The following ENTPD8 variants were observed in gnomAD, a reference collection of about 807,000 sequenced individuals.
The protein encoded by ENTPD8 is ectonucleoside triphosphate diphosphohydrolase 8.
A neutral mutation model predicts 47.0 loss-of-function variants in ENTPD8; 35 were observed. The observed-to-expected ratio is 0.75, with a 90% CI of 0.57 to 0.99. The LOEUF is 0.99. ENTPD8 is among the 50% of genes least tolerant of loss of function. ENTPD8 has a pLI of 0.00. For synonymous variants in ENTPD8, 308 were observed against 290.5 expected (o/e 1.06, Z -0.61); for missense variants, 668 against 649.9 (o/e 1.03, Z -0.30).
chr9:137,435,921 C>A (rs1839336809), intron 7 of ENTPD8, 92 bp from the exon 8 acceptor site: 1 of 1,603,018 alleles, frequency 6.2e-7, no homozygotes, highest in Non-Finnish European at 8.5e-7. Flanking sequence ...AAGAGCCAGC[C>A]TGGGCCCCTC....
Position 137,434,522 on chromosome 9 carries a change from G to C in ENTPD8, c.*392C>G. The C allele has an allele frequency of 1.2e-6, 1 of 831,006 alleles. No homozygotes were observed. Among genetic ancestry groups the C allele is most frequent in the Non-Finnish European group, 1.8e-6 (1 of 541,694 alleles). 51.5% of individuals were successfully genotyped at this position (831,006 alleles called of 1,614,324 possible). On this transcript the variant is annotated 3_prime_UTR_variant, in exon 10 of 10. Transcript: ENST00000371506. ...GGAGAGCGGGGGTCCAGGTGGGGCA[G>C]CTCCCTCCCTTCCACCCCTCTCCGC...
Position 137,436,133 on chromosome 9 carries a change from T to C in ENTPD8, c.930A>G (p.Thr310=), listed in dbSNP as rs375954417. Residue 310 remains threonine, a synonymous_variant, in exon 7 of 10, where the codon ACA becomes ACG. Coordinates refer to ENST00000371506, the MANE Select transcript of ENTPD8 (RefSeq NM_001033113.2). ...SLPQNLTVEG[T]GNPGACVSAI... The stretch of plus-strand genomic sequence containing the variant: ...CTGAGACGCAGGCTCCAGGGTTGCC[T>C]GTCCCTTCAACTGTGAGGTTCTGGG... The C allele has an allele frequency of 2.9e-5, 46 of 1,612,990 alleles. No homozygotes were observed. In the African/African-American group the frequency reaches 5.6e-4, roughly 20 times the overall value.
chr9:137,435,045 G>C lies in ENTPD8; in HGVS notation c.1357C>G (p.Pro453Ala), dbSNP rs897909259. 1 of 1,612,518 alleles carries C rather than the reference G, an allele frequency of 6.2e-7. No individual in the cohort carries two copies. The highest frequency in any genetic ancestry group is 8.5e-7 in the Non-Finnish European group (1 of 1,179,868). ...CGCCACTGAGCCGGCGCATCGGCCG[G>C]GATCATCCCGGTCAGGTTCAGCATG... is the stretch of plus-strand genomic sequence containing the variant. ...GYMLNLTGMIPADAPAQWRAE... is the reference protein window; with the variant it reads ...GYMLNLTGMIAADAPAQWRAE... The change falls in exon 10 of 10, where the codon CCG becomes GCG. Residue 453 changes from proline to alanine, a missense_variant. Pro to Ala is a conservative substitution (Grantham distance 27, BLOSUM62 -1). Transcript: ENST00000371506.
At position 137,438,923 on chromosome 9, in the gene ENTPD8, C is replaced by A. The variant is rs1436659682; in HGVS notation, c.-20-618G>T. Among the ~76,000 whole-genome samples, 2 of 152,112 alleles carry A rather than the reference C, an allele frequency of 1.3e-5. No individual in the cohort carries two copies. The highest frequency in any genetic ancestry group is 2.9e-5 in the Non-Finnish European group (2 of 67,996). Reference sequence around the variant, plus strand: ...TCCTGCCTCTCCCGTGCCACCCTCCCCAGGAGCAGCCACAGCTCCAGCCTG... The same window carrying A: ...TCCTGCCTCTCCCGTGCCACCCTCCACAGGAGCAGCCACAGCTCCAGCCTG... On this transcript the variant is annotated intron_variant, in intron 1 of 9. Transcript: ENST00000371506. The surrounding 1 kb of genome is among the most constrained non-coding windows in gnomAD (Gnocchi z 5.7).
At chr9:137,436,425 C>G in intron 6 of ENTPD8, 96 bp downstream of exon 6, 1 of 1,362,240 alleles carries the variant, frequency 7.3e-7, no homozygotes, top group Non-Finnish European at 1.0e-6. Context: ...GCGCCCATAC[C>G]CTGTGCCCCC....
chr9:137,434,889 G>C lies in ENTPD8; in HGVS notation c.*25C>G. The C allele has an allele frequency of 6.3e-7, 1 of 1,585,342 alleles. No individual in the cohort carries two copies. The highest frequency in any genetic ancestry group is 1.2e-5 in the South Asian group (1 of 86,848). On this transcript the variant is annotated 3_prime_UTR_variant, in exon 10 of 10. Transcript: ENST00000371506. ...CGGGACGCAGCTGCCTGTGGGCTCT[G>C]TGGGGGCCCACCTCCGCCTTCCCAC...
Position 137,436,583 on chromosome 9 carries a change from G to A in ENTPD8, c.724C>T (p.His242Tyr), listed in dbSNP as rs1275871663. 7 of 1,611,938 alleles carry A rather than the reference G, an allele frequency of 4.3e-6. No homozygotes were observed. Among genetic ancestry groups the A allele is most frequent in the Non-Finnish European group, 5.9e-6 (7 of 1,179,750 alleles). The change falls in exon 6 of 10, where the codon CAC becomes TAC. Residue 242 changes from histidine to tyrosine, a missense_variant. Physicochemically the swap from His to Tyr is moderately conservative, Grantham distance 83. Transcript: ENST00000371506. Reference protein sequence around the residue: ...LYGSDYSVYTHSYLCFGRDQM... With the variant: ...LYGSDYSVYTYSYLCFGRDQM... ...TCCCGTCCAAAGCACAGGTAGCTGT[G>A]AGTGTAGACGCTGTAGTCGGAGCCG...
intron 1 of ENTPD8, among the ~76,000 whole-genome samples, chr9:137,439,626 G>C (rs1368634199): frequency 6.6e-6 from 1 of 152,058 alleles, no homozygotes; most frequent in African/African-American, 2.4e-5. Context: ...GAGGACAGGA[G>C]GCCGGTCCAG....
At position 137,438,312 on chromosome 9, in the gene ENTPD8, G is replaced by C; in HGVS notation, c.-20-7C>G. On this transcript the variant is annotated splice_region_variant and splice_polypyrimidine_tract_variant and intron_variant, in intron 1 of 9. Coordinates refer to ENST00000371506, the MANE Select transcript of ENTPD8 (RefSeq NM_001033113.2). This position sits in a 1 kb window ranked among gnomAD's most constrained non-coding sequence, Gnocchi z 5.7. Reference sequence around the variant, plus strand: ...GTGCAGGTGGTACTGGTTCCTGTGGGGGGACGGCCGTGGGCACCCAGGCTG... The same window carrying C: ...GTGCAGGTGGTACTGGTTCCTGTGGCGGGACGGCCGTGGGCACCCAGGCTG... 6.6e-7 allele frequency: 1 copy of C among 1,523,298 alleles called. No individual in the cohort carries two copies. The highest frequency in any genetic ancestry group is 8.8e-7 in the Non-Finnish European group (1 of 1,132,800). 94.4% of individuals were successfully genotyped at this position (1,523,298 alleles called of 1,614,324 possible).
chr9:137,435,964 GC>G, intron 7 of ENTPD8, 48 bp downstream of exon 7: 1 of 1,606,074 alleles, frequency 6.2e-7, no homozygotes, highest in African/African-American at 1.3e-5. Context: ...GGCACCTGAG[GC>G]CTCACAAGGA....
rs1839312282 is a variant in ENTPD8, at chr9:137,435,333, C to A, written c.1167G>T (p.Glu389Asp). 6.2e-7 allele frequency: 1 copy of A among 1,609,764 alleles called. No homozygotes were observed. The highest frequency in any genetic ancestry group is 1.7e-5 in the Admixed American group (1 of 59,746). The change falls in exon 9 of 10, where the codon GAG (glutamate) becomes GAT (aspartate). Residue 389 changes from glutamate (E) to aspartate (D), a missense_variant. By Grantham distance (45) the Glu-to-Asp change is conservative. Coordinates refer to ENST00000371506, the MANE Select transcript of ENTPD8 (RefSeq NM_001033113.2). ...EFCQRPWKLV[E>D]ASYPGQDRWL... ...AGCGGTCCTGCCCAGGGTAGCTGGCCTCCACCTGGGGCCCAGGAGACCAAG... is the reference window on the plus strand; with the variant it reads ...AGCGGTCCTGCCCAGGGTAGCTGGCATCCACCTGGGGCCCAGGAGACCAAG...
At position 137,436,144 on chromosome 9, in the gene ENTPD8, C is replaced by A; in HGVS notation, c.919G>T (p.Val307Phe). 1.2e-6 allele frequency: 2 copies of A among 1,613,012 alleles called. No individual in the cohort carries two copies. The highest frequency in any genetic ancestry group is 1.7e-6 in the Non-Finnish European group (2 of 1,179,980). The change falls in exon 7 of 10, where the codon GTT becomes TTT. Residue 307 changes from valine to phenylalanine, a missense_variant. Coordinates refer to ENST00000371506, the MANE Select transcript of ENTPD8 (RefSeq NM_001033113.2). ...GCTCCAGGGTTGCCTGTCCCTTCAA[C>A]TGTGAGGTTCTGGGGGAGGCTCAGC... is the stretch of plus-strand genomic sequence containing the variant. ...PPLSLPQNLT[V>F]EGTGNPGACV...
In ENTPD8 at chr9:137,438,356, C is replaced by T. The variant is rs1048282669; in HGVS notation, c.-20-51G>A. The T allele has an allele frequency of 7.3e-5, 106 of 1,451,876 alleles. No individual in the cohort carries two copies. Among genetic ancestry groups the T allele is most frequent in the African/African-American group, 1.4e-4 (10 of 71,024 alleles). 89.9% of individuals were successfully genotyped at this position (1,451,876 alleles called of 1,614,324 possible). A position where few individuals can be genotyped will look rare whatever the true frequency, so the allele number is the denominator to read the frequency against. On this transcript the variant is annotated intron_variant, in intron 1 of 9. Coordinates refer to ENST00000371506, the MANE Select transcript of ENTPD8 (RefSeq NM_001033113.2). The surrounding 1 kb of genome is among the most constrained non-coding windows in gnomAD (Gnocchi z 5.7). ...CAGGCTGCACTTGGTGTCCCCATCCCGCCCTCCAGAGGCAGAGGCTTCGCT... is the reference window on the plus strand; with the variant it reads ...CAGGCTGCACTTGGTGTCCCCATCCTGCCCTCCAGAGGCAGAGGCTTCGCT...
At position 137,434,953 on chromosome 9, in the gene ENTPD8, C is replaced by T; in HGVS notation, c.1449G>A (p.Val483=). The change falls in exon 10 of 10, where the codon GTG becomes GTA. Residue 483 remains valine, a synonymous_variant. Coordinates refer to ENST00000371506, the MANE Select transcript of ENTPD8 (RefSeq NM_001033113.2). ...VFMVLALVAV[V]GAALVQLFWL... ...AGAAGAGCTGGACCAAGGCAGCCCC[C>T]ACCACCGCCACCAGGGCCAGCACCA... is the stretch of plus-strand genomic sequence containing the variant. 6.2e-7 allele frequency: 1 copy of T among 1,612,642 alleles called. No homozygotes were observed.
At position 137,435,304 on chromosome 9, in the gene ENTPD8, A is replaced by G. The variant is rs1012580613; in HGVS notation, c.1196T>C (p.Leu399Pro). Reference protein sequence around the residue: ...EASYPGQDRWLRDYCASGLYI... With the variant: ...EASYPGQDRWPRDYCASGLYI... ...CAGGCCTGAGGCACAGTAGTCCCGC[A>G]GCCAGCGGTCCTGCCCAGGGTAGCT... Residue 399 changes from leucine (L) to proline (P), a missense_variant, in exon 9 of 10, where the codon CTG becomes CCG. Physicochemically the swap from Leu to Pro is moderately conservative, Grantham distance 98 (BLOSUM62 -3). Coordinates refer to ENST00000371506, the MANE Select transcript of ENTPD8 (RefSeq NM_001033113.2). The G allele has an allele frequency of 6.2e-7, 1 of 1,612,278 alleles. No homozygotes were observed. Among genetic ancestry groups the G allele is most frequent in the South Asian group, 1.1e-5 (1 of 91,068 alleles).
In ENTPD8 at chr9:137,437,240, T is replaced by C. The variant is rs763956685; in HGVS notation, c.314A>G (p.Glu105Gly). Residue 105 changes from glutamate to glycine, a missense_variant, in exon 4 of 10, where the codon GAG becomes GGG. By Grantham distance (98) the Glu-to-Gly change is moderately conservative (BLOSUM62 -2). Coordinates refer to ENST00000371506, the MANE Select transcript of ENTPD8 (RefSeq NM_001033113.2). ...AGESLQGCLE[E>G]ALVLIPEAQH... ...GGCCTCTGGGATCAGCACCAGCGCC[T>C]CCTCCAAGCAGCCCTGCAGGCTCTC... 1 of 1,612,984 alleles carries C rather than the reference T, an allele frequency of 6.2e-7. No individual in the cohort carries two copies.
chr9:137,435,521 G>T (rs181397246), intron 8 of ENTPD8, among the ~76,000 whole-genome samples, 183 bp from the exon 9 acceptor site: 1 of 152,128 alleles, frequency 6.6e-6, no homozygotes, highest in Non-Finnish European at 1.5e-5. Flanking sequence ...CCTTCTTGGC[G>T]GGCCAGAGGC....
Position 137,437,278 on chromosome 9 carries a change from A to T in ENTPD8, c.276T>A (p.Ala92=), listed in dbSNP as rs748171271. 1 of 1,612,874 alleles carries T rather than the reference A, an allele frequency of 6.2e-7. No homozygotes were observed. Among genetic ancestry groups the T allele is most frequent in the Non-Finnish European group, 8.5e-7 (1 of 1,179,864 alleles). ...GPGISSYTSN[A]AQAGESLQGC... ...CCTGCAGGCTCTCACCAGCCTGTGC[A>T]GCATTAGAAGTGTAGGAGGAGATTC... is the stretch of plus-strand genomic sequence containing the variant. Residue 92 remains alanine (A), a synonymous_variant, in exon 4 of 10, where the codon GCT becomes GCA. Transcript: ENST00000371506.
At position 137,438,005 on chromosome 9, in the gene ENTPD8, G is replaced by T. The variant is rs371065621; in HGVS notation, c.206C>A (p.Thr69Lys). 15 of 1,612,670 alleles carry T rather than the reference G, an allele frequency of 9.3e-6. No individual in the cohort carries two copies. The highest frequency in any genetic ancestry group is 1.2e-5 in the Non-Finnish European group (14 of 1,179,896). Residue 69 changes from threonine to lysine, a missense_variant, in exon 3 of 10, where the codon ACG becomes AAG. Thr to Lys is a moderately conservative substitution (Grantham distance 78). Transcript: ENST00000371506. This position sits in a 1 kb window ranked among gnomAD's most constrained non-coding sequence, Gnocchi z 5.7. The stretch of plus-strand genomic sequence containing the variant: ...GGCCAGGGCCTGGCTGACCACACCC[G>T]TGCCATTCTCCTTGTTCGCCAGCCA... ...YQWLANKENG[T>K]GVVSQALACQ...
Sources: gnomAD v4.1 joint callset for allele counts (sites outside exome capture counted in the v4.1 genomes callset) on GRCh38, gnomAD v4.1.1 for gene constraint, Gnocchi (gnomAD v3.1) non-coding constraint, MANE v1.5 for transcripts, NCBI Gene and HGNC (gene_info 2026-07-23, HGNC 2026-07-21) for gene names.